Variants in SSBP3 observed in about 807,000 individuals in gnomAD.
SSBP3 encodes single-stranded DNA-binding protein 3.
SSBP3 carries 5 observed loss-of-function variants against 69.6 expected under a neutral mutation model. The ratio of observed to expected loss-of-function variants is 0.07; its 90% confidence interval spans 0.04 to 0.15. The LOEUF (loss-of-function observed/expected upper bound fraction) is 0.15, where lower values mean the gene tolerates loss of function less well. Among genes scored for constraint, SSBP3 ranks in the 10% least tolerant of loss-of-function variants. The pLI, the probability that SSBP3 is intolerant of heterozygous loss-of-function variation, is 1.00. For synonymous variants in SSBP3, 196 were observed against 193.4 expected (o/e 1.01, Z -0.11); for missense variants, 312 against 534.0 (o/e 0.58, Z 4.10).
At chr1:54,386,683 CTTTTTTTTT>C (rs58429798) in intron 4 of SSBP3, among the ~76,000 whole-genome samples, 3 of 76,136 alleles carry the variant, frequency 3.9e-5, no homozygotes, top group Middle Eastern at 6.3e-3. Context: ...ACTGATCCTA[CTTTTTTTTT>C]TTTTTTTTTT....
At chr1:54,271,319 C>T (rs188117005) in intron 5 of SSBP3, among the ~76,000 whole-genome samples, 18 of 152,246 alleles carry the variant, frequency 1.2e-4, no homozygotes, top group Non-Finnish European at 2.1e-4. Context: ...CTATGTTGCC[C>T]AGGCTGGTTT....
In SSBP3 at chr1:54,226,762, C is replaced by A. The variant is rs1644291868; in HGVS notation, c.*369G>T. 1.5e-5 allele frequency: 3 copies of A among 196,232 alleles called. No individual in the cohort carries two copies. The Admixed American group carries it at 1.7e-4, about 11-fold the overall frequency. The allele number at this position is 196,232 out of a possible 1,614,324, so 12.2% of individuals were successfully genotyped here. The stretch of plus-strand genomic sequence containing the variant: ...TAAAAAAATTTTCCCCCAAAAAACC[C>A]CCCTGAAAACAAATAAAAAAATCCC... On this transcript the variant is annotated 3_prime_UTR_variant, in exon 18 of 18. Transcript: ENST00000610401.
chr1:54,262,004 ACATCTCC>A (rs61627286), intron 5 of SSBP3, among the ~76,000 whole-genome samples: 153 of 152,310 alleles, frequency 1.0e-3, no homozygotes, highest in African/African-American at 3.5e-3. Context: ...CATCTGAACC[ACATCTCC>A]TAACTCTACC....
intron 4 of SSBP3, among the ~76,000 whole-genome samples, chr1:54,345,986 CA>C (rs74870023): frequency 0.054 from 7,258 of 134,304 alleles, 604 homozygotes; most frequent in African/African-American, 0.19. Flanking sequence ...CACAAAAATA[CA>C]AAAAAAAAAA....
At chr1:54,304,379 A>C (rs1645858708) in intron 4 of SSBP3, among the ~76,000 whole-genome samples, 1 of 142,058 alleles carries the variant, frequency 7.0e-6, no homozygotes, top group Non-Finnish European at 1.5e-5. Context: ...AATTTCCTGA[A>C]TTAAAGAGCT....
At chr1:54,308,587 C>T (rs1430670164) in intron 4 of SSBP3, among the ~76,000 whole-genome samples, 4 of 131,980 alleles carry the variant, frequency 3.0e-5, no homozygotes, top group South Asian at 4.8e-4. Context: ...GCCGACAGAG[C>T]GAGACTCCAT....
chr1:54,335,397 T>A (rs989214938), intron 4 of SSBP3, among the ~76,000 whole-genome samples: 1 of 152,058 alleles, frequency 6.6e-6, no homozygotes, highest in African/African-American at 2.4e-5. Context: ...TGTGCATAAG[T>A]GTGCAAAGAA....
intron 14 of SSBP3, chr1:54,238,196 C>T (rs773358647): frequency 9.1e-5 from 43 of 470,916 alleles, no homozygotes; most frequent in East Asian, 6.2e-4. Context: ...CAGGGCAGCC[C>T]GCGCTCGGGG....
At chr1:54,316,089 A>G (rs1297077901) in intron 4 of SSBP3, among the ~76,000 whole-genome samples, 1 of 152,144 alleles carries the variant, frequency 6.6e-6, no homozygotes, top group Non-Finnish European at 1.5e-5. Context: ...TCACGCCTGT[A>G]ATCCCAGCAC....
chr1:54,408,302 AT>A (rs567845463), upstream of SSBP3, among the ~76,000 whole-genome samples: 70 of 152,220 alleles, frequency 4.6e-4, no homozygotes, highest in African/African-American at 1.7e-3. Flanking sequence ...AATTACAGTT[AT>A]TTTTTCCCCT....
intron 4 of SSBP3, among the ~76,000 whole-genome samples, chr1:54,396,911 C>G (rs1162127152): frequency 6.6e-6 from 1 of 152,176 alleles, no homozygotes; most frequent in East Asian, 1.9e-4. Context: ...CGGGTGCTGG[C>G]AAAATGCAAC....
At position 54,289,174 on chromosome 1, in the gene SSBP3, G is replaced by A. The variant is rs117679179; in HGVS notation, c.277-7647C>T. Among the ~76,000 whole-genome samples, 34 of 152,130 alleles carry A rather than the reference G, an allele frequency of 2.2e-4. 1 individual carries two copies. In the East Asian group the frequency reaches 4.1e-3, roughly 18 times the overall value. On this transcript the variant is annotated intron_variant, in intron 4 of 17. Coordinates refer to ENST00000610401, the Ensembl canonical transcript of SSBP3. ...CATGAGAGAAGCACAATCCATTCCC[G>A]TGTTTGAGACTGTCTATATGTTTTT...
chr1:54,254,481 C>G (rs1644885254), intron 7 of SSBP3, among the ~76,000 whole-genome samples: 1 of 152,232 alleles, frequency 6.6e-6, no homozygotes, highest in Non-Finnish European at 1.5e-5. Flanking sequence ...AGCCTCTAGC[C>G]AGGGAGGCAG....
At chr1:54,238,621 G>A (rs1172987498) in intron 14 of SSBP3, 1 of 325,618 alleles carries the variant, frequency 3.1e-6, no homozygotes, top group South Asian at 2.9e-5. Flanking sequence ...ATCACCCAAG[G>A]GCTGCAACTC....
At chr1:54,252,008 G>T in intron 7 of SSBP3, 148 bp from the exon 8 acceptor site, 2 of 702,846 alleles carry the variant, frequency 2.8e-6, no homozygotes, top group South Asian at 3.2e-5. Context: ...GCCAGTGGGA[G>T]AAGGTTACCC....
At chr1:54,404,291 TC>T (rs1649532056) in intron 3 of SSBP3, among the ~76,000 whole-genome samples, 1 of 152,186 alleles carries the variant, frequency 6.6e-6, no homozygotes, top group Non-Finnish European at 1.5e-5. Flanking sequence ...CAATGTTTTT[TC>T]AAACCCCCTG....
At chr1:54,391,590 G>A (rs1648500120) in intron 4 of SSBP3, among the ~76,000 whole-genome samples, 1 of 152,226 alleles carries the variant, frequency 6.6e-6, no homozygotes, top group African/African-American at 2.4e-5. Flanking sequence ...GGGAAAGAAG[G>A]ATCAGAGGAA....
At chr1:54,386,693 T>TTTTTTTTTTTTTTTTTTTTTTTTG (rs1648112722) in intron 4 of SSBP3, among the ~76,000 whole-genome samples, 1 of 139,212 alleles carries the variant, frequency 7.2e-6, no homozygotes, top group Non-Finnish European at 1.5e-5. Context: ...CTTTTTTTTT[T>TTTTTTTTTTTTTTTTTTTTTTTTG]TTTTTTTTTT....
chr1:54,296,525 C>A (rs1265485588), intron 4 of SSBP3, among the ~76,000 whole-genome samples: 1 of 152,236 alleles, frequency 6.6e-6, no homozygotes, highest in Non-Finnish European at 1.5e-5. Flanking sequence ...AGGAGTCCCA[C>A]AGCCAGGCTG....
Sources: gnomAD v4.1 joint callset for allele counts (sites outside exome capture counted in the v4.1 genomes callset) on GRCh38, gnomAD v4.1.1 for gene constraint, MANE v1.5 for transcripts, NCBI Gene and HGNC (gene_info 2026-07-23, HGNC 2026-07-21) for gene names.